The following NBAS variants were observed in gnomAD, a reference collection of about 807,000 sequenced individuals.
NBAS encodes NAG/BC035112 fusion.
In NBAS, 219 loss-of-function variants were observed where a neutral mutation model predicts 302.5. That is an observed-to-expected ratio of 0.72 (90% confidence interval 0.65 to 0.81). NBAS has a LOEUF of 0.81. NBAS is among the 30% of genes least tolerant of loss of function. The pLI is 0.00. For synonymous variants in NBAS, 1,118 were observed against 1,021.6 expected, an observed-to-expected ratio of 1.09 and a Z score of -1.80; for missense variants, 2,932 against 2,841.6, an observed-to-expected ratio of 1.03 and a Z score of -0.72.
chr2:15,529,588 C>T, intron 9 of NBAS, among the ~76,000 whole-genome samples: 1 of 151,930 alleles, frequency 6.6e-6, no homozygotes, highest in South Asian at 2.1e-4. Context: ...AACGGGATCC[C>T]AAAGGAAATG....
intron 21 of NBAS, among the ~76,000 whole-genome samples, chr2:15,453,441 A>G (rs1014245307): frequency 6.6e-6 from 1 of 152,198 alleles, no homozygotes; most frequent in Non-Finnish European, 1.5e-5. Context: ...CTAGGTATAT[A>G]CTGACATAAG....
the NBAS span, among the ~76,000 whole-genome samples, chr2:14,986,872 G>A: frequency 6.6e-6 from 1 of 152,192 alleles, no homozygotes; most frequent in Non-Finnish European, 1.5e-5. Flanking sequence ...CAATACAGGA[G>A]TTCTCAAATT....
In NBAS at chr2:15,430,477, C is replaced by A. The variant is rs142761901; in HGVS notation, c.2340-2683G>T. Among the ~76,000 whole-genome samples the A allele has an allele frequency of 1.8e-3, 279 of 152,306 alleles. 2 individuals are homozygous for A. Among genetic ancestry groups the A allele is most frequent in the African/African-American group, 6.2e-3 (258 of 41,572 alleles). On this transcript the variant is annotated intron_variant, in intron 21 of 51. Coordinates refer to ENST00000281513, the MANE Select transcript of NBAS (RefSeq NM_015909.4). ...ATCTTTAGCACTGACTGATCTCCTA[C>A]TATGGACTAGGCCCAATACAATGCT... is the stretch of plus-strand genomic sequence containing the variant.
At chr2:14,927,771 T>G in the NBAS span, among the ~76,000 whole-genome samples, 5 of 152,206 alleles carry the variant, frequency 3.3e-5, no homozygotes, top group Non-Finnish European at 4.4e-5. Flanking sequence ...GTTATTCCTG[T>G]GGTGATGATT....
intron 47 of NBAS, among the ~76,000 whole-genome samples, chr2:15,226,197 G>A (rs546832887): frequency 1.3e-5 from 2 of 152,318 alleles, no homozygotes; most frequent in South Asian, 4.1e-4. Flanking sequence ...GACAATTTCT[G>A]TATGATAAGG....
At chr2:14,859,606 T>C in the NBAS span, among the ~76,000 whole-genome samples, 2 of 152,112 alleles carry the variant, frequency 1.3e-5, no homozygotes, top group African/African-American at 4.8e-5. Context: ...GTTCAATAAA[T>C]GGTGCTGGGA....
chr2:15,546,794 C>A (rs1664139959), intron 6 of NBAS, among the ~76,000 whole-genome samples: 1 of 152,156 alleles, frequency 6.6e-6, no homozygotes, highest in Non-Finnish European at 1.5e-5. Flanking sequence ...TTTTTCATGT[C>A]AACACACAGA....
chr2:15,365,779 C>T (rs1674169463), intron 32 of NBAS, among the ~76,000 whole-genome samples: 1 of 152,020 alleles, frequency 6.6e-6, no homozygotes, highest in South Asian at 2.1e-4. Context: ...AAATATGTTA[C>T]ATATATATAT....
At chr2:14,892,914 G>T in the NBAS span, among the ~76,000 whole-genome samples, 1 of 151,952 alleles carries the variant, frequency 6.6e-6, no homozygotes, top group African/African-American at 2.4e-5. Context: ...TTCCTTACAG[G>T]ATTAGACCAC....
intron 48 of NBAS, among the ~76,000 whole-genome samples, chr2:15,206,855 G>C (rs1248646549): frequency 1.3e-5 from 2 of 152,170 alleles, no homozygotes; most frequent in South Asian, 4.1e-4. Context: ...GAAATCCCTG[G>C]AGGTCCAGGA....
the NBAS span, among the ~76,000 whole-genome samples, chr2:15,063,721 A>G: frequency 7.2e-5 from 11 of 152,336 alleles, no homozygotes; most frequent in Non-Finnish European, 1.5e-4. Flanking sequence ...ACACACAGAG[A>G]ACAGGCCATG....
chr2:15,234,225 T>G (rs927257266), intron 46 of NBAS, among the ~76,000 whole-genome samples: 7 of 152,180 alleles, frequency 4.6e-5, no homozygotes, highest in African/African-American at 1.7e-4. Context: ...AAAACCATAT[T>G]GAAGTCACAG....
chr2:15,292,317 T>A (rs192716810), intron 41 of NBAS, among the ~76,000 whole-genome samples: 1 of 152,290 alleles, frequency 6.6e-6, no homozygotes, highest in African/African-American at 2.4e-5. Context: ...GATTTAAACA[T>A]CATGGGAAAC....
chr2:15,287,080 C>T lies in NBAS; in HGVS notation c.5131G>A (p.Asp1711Asn). The change falls in exon 42 of 52, where the codon GAC becomes AAC. Residue 1711 changes from aspartate (D) to asparagine (N), a missense_variant. Physicochemically the swap from Asp to Asn is conservative, Grantham distance 23 (BLOSUM62 1). Coordinates refer to ENST00000281513, the MANE Select transcript of NBAS (RefSeq NM_015909.4). The stretch of plus-strand genomic sequence containing the variant: ...TATGAACTGTGTGCTTACCCACTGT[C>T]CGTGAAGAGGAACTCCAAATGGGTC... ...FMTHLEFLFTDSGLSTLEIEN... is the reference protein window; with the variant it reads ...FMTHLEFLFTNSGLSTLEIEN... 6.2e-7 allele frequency: 1 copy of T among 1,607,684 alleles called. No homozygotes were observed. The highest frequency in any genetic ancestry group is 8.5e-7 in the Non-Finnish European group (1 of 1,174,198).
chr2:15,249,073 C>A (rs1668238209), intron 44 of NBAS, among the ~76,000 whole-genome samples: 1 of 152,144 alleles, frequency 6.6e-6, no homozygotes, highest in Non-Finnish European at 1.5e-5. Context: ...CAATAAAATA[C>A]TGGCAAACTG....
intron 38 of NBAS, among the ~76,000 whole-genome samples, chr2:15,321,589 T>C (rs1351538978): frequency 6.6e-6 from 1 of 152,086 alleles, no homozygotes; most frequent in African/African-American, 2.4e-5. Flanking sequence ...GGGCAAAGGA[T>C]ATGAACAGAC....
At chr2:15,050,759 T>G in the NBAS span, among the ~76,000 whole-genome samples, 9 of 152,200 alleles carry the variant, frequency 5.9e-5, no homozygotes, top group African/African-American at 2.2e-4. Context: ...CCGGGTTCCA[T>G]CTGGGTTTCC....
chr2:15,554,005 A>T, intron 4 of NBAS, 56 bp downstream of exon 4: 1 of 1,452,232 alleles, frequency 6.9e-7, no homozygotes, highest in Non-Finnish European at 9.6e-7. Context: ...TAACGTCCAT[A>T]ATGAAATGTA....
chr2:14,970,876 A>C, the NBAS span, among the ~76,000 whole-genome samples: 28,518 of 152,160 alleles, frequency 0.19, 3,334 homozygotes, highest in Non-Finnish European at 0.27. Flanking sequence ...TATTAAAGCA[A>C]GGATTTGTTG....
Sources: gnomAD v4.1 joint callset for allele counts (sites outside exome capture counted in the v4.1 genomes callset) on GRCh38, gnomAD v4.1.1 for gene constraint, MANE v1.5 for transcripts, NCBI Gene and HGNC (gene_info 2026-07-23, HGNC 2026-07-21) for gene names.